Variants in SOX5 observed in about 807,000 individuals in gnomAD.
SOX5 encodes the protein SRY-box transcription factor 5.
SOX5 carries 9 observed loss-of-function variants against 92.0 expected under a neutral mutation model. The ratio of observed to expected loss-of-function variants is 0.10; its 90% CI spans 0.06 to 0.17. The LOEUF (loss-of-function observed/expected upper bound fraction) is 0.17, where lower values mean the gene tolerates loss of function less well. SOX5 is among the 10% of genes least tolerant of loss of function. The pLI, the probability that SOX5 is intolerant of heterozygous loss-of-function variation, is 1.00. For missense variants in SOX5, 642 were observed against 944.5 expected (o/e 0.68, Z 4.20); for synonymous variants, 344 against 336.3 (o/e 1.02, Z -0.25).
intron 3 of SOX5, among the ~76,000 whole-genome samples, chr12:23,815,248 C>T (rs898435734): frequency 2.6e-5 from 4 of 152,008 alleles, no homozygotes; most frequent in Admixed American, 6.6e-5. Flanking sequence ...AAATAAACAC[C>T]GGATAATTCA....
intron 4 of SOX5, among the ~76,000 whole-genome samples, chr12:24,174,493 G>T (rs146243341): frequency 6.8e-6 from 1 of 146,348 alleles, no homozygotes; most frequent in African/African-American, 2.6e-5. Flanking sequence ...CCAGACATTA[G>T]TAAGAATACA....
intron 1 of SOX5, among the ~76,000 whole-genome samples, chr12:24,443,053 G>C (rs1368260448): frequency 6.9e-6 from 1 of 143,946 alleles, no homozygotes; most frequent in African/African-American, 2.6e-5. Context: ...CTGGATTCAA[G>C]CAATTCTCCT....
At chr12:23,807,376 G>A (rs1359535640) in intron 3 of SOX5, among the ~76,000 whole-genome samples, 2 of 152,016 alleles carry the variant, frequency 1.3e-5, no homozygotes, top group Non-Finnish European at 2.9e-5. Flanking sequence ...GGTCCTATGG[G>A]TCCTAATTCA....
chr12:24,334,170 A>T (rs1428322772), intron 2 of SOX5, among the ~76,000 whole-genome samples: 3 of 151,992 alleles, frequency 2.0e-5, no homozygotes, highest in Non-Finnish European at 4.4e-5. Flanking sequence ...TTAGAAAATT[A>T]GAAAAAGGTA....
At chr12:24,074,630 C>CAAAAAAACAA (rs1942270672) in intron 4 of SOX5, among the ~76,000 whole-genome samples, 1 of 51,274 alleles carries the variant, frequency 2.0e-5, no homozygotes, top group Non-Finnish European at 3.5e-5. Flanking sequence ...TGTAAACTAC[C>CAAAAAAACAA]AAAAAAAAAA....
intron 1 of SOX5, among the ~76,000 whole-genome samples, chr12:23,898,521 A>T (rs1484945132): frequency 1.3e-5 from 2 of 152,220 alleles, no homozygotes; most frequent in African/African-American, 2.4e-5. Context: ...TATTAATATC[A>T]TTATTAACAT....
intron 8 of SOX5, among the ~76,000 whole-genome samples, chr12:23,613,377 A>T (rs1351808078): frequency 6.6e-6 from 1 of 151,850 alleles, no homozygotes; most frequent in Non-Finnish European, 1.5e-5. Context: ...GCTGGCAAGG[A>T]TGTGGAGGAA....
chr12:24,306,897 T>C (rs1449475502), intron 2 of SOX5, among the ~76,000 whole-genome samples: 1 of 152,114 alleles, frequency 6.6e-6, no homozygotes. Context: ...CTGGAGACAC[T>C]GGGCAGCCTG....
chr12:23,809,369 T>G (rs573553174), intron 3 of SOX5, among the ~76,000 whole-genome samples: 2 of 152,154 alleles, frequency 1.3e-5, no homozygotes, highest in East Asian at 3.9e-4. Context: ...AAGCCCCATT[T>G]TAATAAATAA....
intron 3 of SOX5, among the ~76,000 whole-genome samples, chr12:24,250,716 G>T (rs1333339313): frequency 6.6e-6 from 1 of 152,088 alleles, no homozygotes; most frequent in Non-Finnish European, 1.5e-5. Flanking sequence ...CTCAATCAAA[G>T]GTACAAAGTA....
intron 7 of SOX5, among the ~76,000 whole-genome samples, chr12:23,655,722 T>C (rs2082224283): frequency 6.6e-6 from 1 of 152,108 alleles, no homozygotes; most frequent in African/African-American, 2.4e-5. Context: ...ATGGTAAGCC[T>C]ATGAGATACA....
chr12:23,706,907 A>C (rs184031153), intron 6 of SOX5, among the ~76,000 whole-genome samples: 51 of 152,196 alleles, frequency 3.4e-4, no homozygotes, highest in Admixed American at 2.8e-3. Context: ...GGATATACCT[A>C]TATCTATCTA....
At chr12:24,285,384 T>C (rs1427845918) in intron 2 of SOX5, among the ~76,000 whole-genome samples, 3 of 152,182 alleles carry the variant, frequency 2.0e-5, no homozygotes, top group Non-Finnish European at 4.4e-5. Flanking sequence ...TCCCCACATA[T>C]AATATTCATG....
intron 1 of SOX5, among the ~76,000 whole-genome samples, chr12:24,469,242 T>C (rs1258347627): frequency 6.6e-6 from 1 of 152,090 alleles, no homozygotes; most frequent in African/African-American, 2.4e-5. Flanking sequence ...TCACAGCTGA[T>C]CTGACAGGAG....
chr12:23,779,499 GTTT>G (rs1335219309), intron 3 of SOX5, among the ~76,000 whole-genome samples: 1 of 151,248 alleles, frequency 6.6e-6, no homozygotes, highest in Non-Finnish European at 1.5e-5. Context: ...ATCATGGTTA[GTTT>G]TTTACCAAAT....
At chr12:23,892,726 T>A (rs145765502) in intron 2 of SOX5, among the ~76,000 whole-genome samples, 1 of 152,196 alleles carries the variant, frequency 6.6e-6, no homozygotes, top group Admixed American at 6.5e-5. Context: ...GAGAAAAGTA[T>A]AAGTGCTGAT....
At chr12:24,555,345 C>T (rs562695137) in intron 1 of SOX5, among the ~76,000 whole-genome samples, 7 of 152,142 alleles carry the variant, frequency 4.6e-5, no homozygotes, top group East Asian at 1.9e-4. Flanking sequence ...AGCTGGTGTA[C>T]GGTTTATACT....
chr12:24,478,202 TATC>T (rs1945601480), intron 1 of SOX5, among the ~76,000 whole-genome samples: 1 of 152,228 alleles, frequency 6.6e-6, no homozygotes, highest in African/African-American at 2.4e-5. Context: ...TCATTTGACT[TATC>T]ATAAAACGTT....
chr12:23,895,208 CAA>C (rs33970684), intron 2 of SOX5, among the ~76,000 whole-genome samples: 11 of 91,292 alleles, frequency 1.2e-4, no homozygotes, highest in Non-Finnish European at 1.3e-4. Context: ...GAATAGGATG[CAA>C]AAAAAAAAAA....
Sources: gnomAD v4.1 joint callset for allele counts (sites outside exome capture counted in the v4.1 genomes callset) on GRCh38, gnomAD v4.1.1 for gene constraint, MANE v1.5 for transcripts, NCBI Gene and HGNC (gene_info 2026-07-23, HGNC 2026-07-21) for gene names.